DDX10: variants seen among roughly 807,000 people sequenced by gnomAD.
DDX10 encodes the protein DEAD-box helicase 10, also known as probable ATP-dependent RNA helicase DDX10.
Under a neutral mutation model 104.3 loss-of-function variants are expected in DDX10, and 74 were observed. The ratio of observed to expected loss-of-function variants is 0.71; its 90% confidence interval spans 0.59 to 0.86. DDX10 has a LOEUF of 0.86. DDX10 is among the 40% of genes least tolerant of loss of function. DDX10 has a pLI of 0.00. For synonymous variants in DDX10, 351 were observed against 353.4 expected (o/e 0.99, Z 0.08); for missense variants, 952 against 1,040.0 (o/e 0.92, Z 1.16).
chr11:108,854,430 G>C (rs1308700851), intron 16 of DDX10, among the ~76,000 whole-genome samples: 4 of 152,192 alleles, frequency 2.6e-5, no homozygotes, highest in Non-Finnish European at 4.4e-5. Flanking sequence ...TAATCATTGT[G>C]TTACTTAGGA....
At chr11:108,904,212 C>G (rs865788119) in intron 16 of DDX10, among the ~76,000 whole-genome samples, 2 of 152,244 alleles carry the variant, frequency 1.3e-5, no homozygotes, top group South Asian at 4.1e-4. Context: ...GTGGTTTCAA[C>G]AGAAGCGACT....
chr11:108,937,624 G>A (rs1864053126), intron 17 of DDX10, among the ~76,000 whole-genome samples: 1 of 152,076 alleles, frequency 6.6e-6, no homozygotes, highest in South Asian at 2.1e-4. Context: ...CATCAAAATA[G>A]AATTTCCCTG....
chr11:108,931,718 G>A (rs1163047486), intron 17 of DDX10, among the ~76,000 whole-genome samples: 1 of 152,144 alleles, frequency 6.6e-6, no homozygotes, highest in Non-Finnish European at 1.5e-5. Flanking sequence ...TGAACTAGAT[G>A]TTATAAAATA....
chr11:108,871,102 A>G (rs1235312823), intron 16 of DDX10, among the ~76,000 whole-genome samples: 3 of 152,174 alleles, frequency 2.0e-5, no homozygotes, highest in Non-Finnish European at 4.4e-5. Context: ...CACATGGACA[A>G]TCTCTAATTA....
chr11:108,756,827 G>C (rs916827523), intron 13 of DDX10, among the ~76,000 whole-genome samples: 4 of 151,992 alleles, frequency 2.6e-5, no homozygotes, highest in African/African-American at 9.7e-5. Context: ...ATAAAATACA[G>C]TTCTTACGTT....
intron 13 of DDX10, among the ~76,000 whole-genome samples, chr11:108,776,422 A>G (rs1218327919): frequency 6.6e-6 from 1 of 152,086 alleles, no homozygotes; most frequent in Non-Finnish European, 1.5e-5. Context: ...CCTGTGGTGC[A>G]TGTTCTGACT....
intron 16 of DDX10, among the ~76,000 whole-genome samples, chr11:108,902,706 T>C (rs1360706565): frequency 1.3e-5 from 2 of 152,220 alleles, no homozygotes; most frequent in East Asian, 1.9e-4. Flanking sequence ...CCTGAATGTA[T>C]TGAGTCTTTG....
In DDX10 at chr11:108,722,879, A is replaced by G; in HGVS notation, c.1500-118A>G. The G allele has an allele frequency of 2.1e-6, 3 of 1,422,542 alleles. 1 individual carries two copies. Among genetic ancestry groups the G allele is most frequent in the South Asian group, 3.1e-5 (2 of 64,334 alleles). The allele number at this position is 1,422,542 out of a possible 1,614,324, so 88.1% of individuals were successfully genotyped here. ...CTGTTAGTATTGAGTTGTATCTCAC[A>G]GGAACATTTTCTTTAAAAAAGCTCT... On this transcript the variant is annotated intron_variant, in intron 12 of 17. Coordinates refer to ENST00000322536, the MANE Select transcript of DDX10 (RefSeq NM_004398.4).
At chr11:108,681,622 A>G (rs958785279) in intron 6 of DDX10, among the ~76,000 whole-genome samples, 6 of 152,224 alleles carry the variant, frequency 3.9e-5, no homozygotes, top group African/African-American at 1.4e-4. Context: ...GAAAAATTAG[A>G]TCTTTCTGAA....
chr11:108,789,274 G>C (rs1387681257), intron 13 of DDX10, among the ~76,000 whole-genome samples: 1 of 152,212 alleles, frequency 6.6e-6, no homozygotes, highest in Non-Finnish European at 1.5e-5. Flanking sequence ...CTATGTTTAA[G>C]TATAGAATTG....
chr11:108,938,251 A>G (rs147969322), intron 17 of DDX10, among the ~76,000 whole-genome samples: 164 of 152,376 alleles, frequency 1.1e-3, no homozygotes, highest in African/African-American at 3.7e-3. Flanking sequence ...AGAAAGTAGT[A>G]TAAAGGGCCT....
At chr11:108,831,421 C>CA (rs779264219) in intron 13 of DDX10, among the ~76,000 whole-genome samples, 33,764 of 69,738 alleles carry the variant, frequency 0.48, 9,228 homozygotes, top group Non-Finnish European at 0.58. Flanking sequence ...GAGACTGTCT[C>CA]AAAAAAAAAA....
intron 9 of DDX10, among the ~76,000 whole-genome samples, chr11:108,695,239 A>G (rs2094258096): frequency 6.6e-6 from 1 of 152,238 alleles, no homozygotes; most frequent in Non-Finnish European, 1.5e-5. Flanking sequence ...TGATCTTTAG[A>G]TTATGATTAT....
At chr11:108,879,142 C>T (rs1340037790) in intron 16 of DDX10, among the ~76,000 whole-genome samples, 2 of 152,088 alleles carry the variant, frequency 1.3e-5, no homozygotes, top group Non-Finnish European at 2.9e-5. Context: ...GCTGGGACTA[C>T]AGGTGCACGC....
At chr11:108,668,304 C>T (rs2094212595) in intron 1 of DDX10, among the ~76,000 whole-genome samples, 1 of 152,152 alleles carries the variant, frequency 6.6e-6, no homozygotes, top group Non-Finnish European at 1.5e-5. Context: ...TAGTCTGATA[C>T]CAGTGCACCA....
intron 1 of DDX10, among the ~76,000 whole-genome samples, 154 bp from the exon 2 acceptor site, chr11:108,673,313 T>G (rs2094219483): frequency 6.6e-6 from 1 of 152,202 alleles, no homozygotes; most frequent in African/African-American, 2.4e-5. Context: ...TCAGGGCATA[T>G]TTCGTTACAG....
At chr11:108,818,669 G>C (rs571557164) in intron 13 of DDX10, among the ~76,000 whole-genome samples, 3 of 151,908 alleles carry the variant, frequency 2.0e-5, no homozygotes, top group Non-Finnish European at 4.4e-5. Flanking sequence ...ATTATTGTAC[G>C]GTACAAATAA....
intron 16 of DDX10, among the ~76,000 whole-genome samples, chr11:108,908,284 G>A (rs986176688): frequency 2.6e-5 from 4 of 152,134 alleles, no homozygotes; most frequent in Non-Finnish European, 5.9e-5. Context: ...TTGAAGTTTA[G>A]TGGAAACAAA....
At chr11:108,849,105 C>CT (rs1862758666) in intron 15 of DDX10, among the ~76,000 whole-genome samples, 1 of 152,008 alleles carries the variant, frequency 6.6e-6, no homozygotes, top group Admixed American at 6.6e-5. Flanking sequence ...ATTGGAGAAC[C>CT]TTGTTGTGTT....
Sources: gnomAD v4.1 joint callset for allele counts (sites outside exome capture counted in the v4.1 genomes callset) on GRCh38, gnomAD v4.1.1 for gene constraint, MANE v1.5 for transcripts, NCBI Gene and HGNC (gene_info 2026-07-23, HGNC 2026-07-21) for gene names.